Variants in BACH2 observed in about 807,000 individuals in gnomAD.
BACH2 encodes transcription regulator protein BACH2.
A neutral mutation model predicts 61.8 loss-of-function variants in BACH2; 5 were observed. That is an observed-to-expected ratio of 0.08 (90% CI 0.04 to 0.17). The LOEUF is 0.17. Ranked by LOEUF, BACH2 falls within the 10% of genes least tolerant of loss-of-function variation. The pLI is 1.00. For synonymous variants in BACH2, 446 were observed against 440.1 expected (o/e 1.01, Z -0.17); for missense variants, 824 against 1,091.1 (o/e 0.76, Z 3.45).
At chr6:90,077,604 C>T (rs1781528818) in intron 5 of BACH2, among the ~76,000 whole-genome samples, 1 of 152,048 alleles carries the variant, frequency 6.6e-6, no homozygotes, top group Non-Finnish European at 1.5e-5. Context: ...GTATCTGGGA[C>T]AGGGATGGTA....
chr6:90,284,304 C>A (rs1334925180), intron 1 of BACH2, among the ~76,000 whole-genome samples: 2 of 152,198 alleles, frequency 1.3e-5, no homozygotes, highest in Non-Finnish European at 2.9e-5. Flanking sequence ...CTGGTGACAT[C>A]TGGGCAGCCC....
In BACH2 at chr6:90,121,543, A is replaced by G. The variant is rs760399961; in HGVS notation, c.-161-32434T>C. The stretch of plus-strand genomic sequence containing the variant: ...AAAAGCCTTTGCATTTTATTAATTA[A>G]TTAATTAATTTATTTTGAGACGAGT... On this transcript the variant is annotated intron_variant, in intron 4 of 8. Transcript: ENST00000257749. Among the ~76,000 whole-genome samples, 52 of 152,182 alleles carry G rather than the reference A, an allele frequency of 3.4e-4. 1 individual carries two copies. In the South Asian group the frequency reaches 4.6e-3, roughly 13 times the overall value.
chr6:90,067,764 A>G (rs1415671377), intron 5 of BACH2, among the ~76,000 whole-genome samples: 1 of 152,162 alleles, frequency 6.6e-6, no homozygotes, highest in Non-Finnish European at 1.5e-5. Context: ...TGCACAAGAC[A>G]TGGTTGCTTC....
chr6:90,131,639 A>G (rs1255646654), intron 4 of BACH2, among the ~76,000 whole-genome samples: 2 of 152,158 alleles, frequency 1.3e-5, no homozygotes, highest in South Asian at 2.1e-4. Flanking sequence ...CCCTTCAAAT[A>G]CCACATTTAT....
intron 4 of BACH2, among the ~76,000 whole-genome samples, chr6:90,185,488 T>A (rs1041383579): frequency 1.4e-4 from 21 of 152,252 alleles, no homozygotes; most frequent in African/African-American, 5.1e-4. Context: ...TTTAAGATGA[T>A]ACATTAAAAA....
intron 4 of BACH2, among the ~76,000 whole-genome samples, chr6:90,195,688 C>T (rs1328477570): frequency 1.3e-5 from 2 of 152,126 alleles, no homozygotes; most frequent in East Asian, 3.9e-4. Flanking sequence ...GAGATAAATG[C>T]CCCACTGTTC....
chr6:90,281,164 C>T (rs1039574055), intron 1 of BACH2, among the ~76,000 whole-genome samples: 20 of 152,124 alleles, frequency 1.3e-4, no homozygotes, highest in African/African-American at 4.8e-4. Flanking sequence ...CTTAATGTGG[C>T]CTTAAGGAGG....
chr6:90,141,076 G>A (rs1000299138), intron 4 of BACH2, among the ~76,000 whole-genome samples: 3 of 152,146 alleles, frequency 2.0e-5, no homozygotes, highest in Non-Finnish European at 4.4e-5. Flanking sequence ...AAATGATAAG[G>A]ATGATAAGGT....
At chr6:89,971,283 A>G (rs984141801) in intron 6 of BACH2, among the ~76,000 whole-genome samples, 1 of 152,208 alleles carries the variant, frequency 6.6e-6, no homozygotes, top group Non-Finnish European at 1.5e-5. Context: ...AGAACAAGGT[A>G]ATGACACCAG....
intron 8 of BACH2, among the ~76,000 whole-genome samples, chr6:89,935,307 G>A (rs1215131550): frequency 2.0e-5 from 3 of 152,290 alleles, no homozygotes; most frequent in Non-Finnish European, 4.4e-5. Flanking sequence ...GTGCAACCTG[G>A]AGCTCTCCCC....
chr6:90,061,696 T>C (rs74324857), intron 5 of BACH2, among the ~76,000 whole-genome samples: 2 of 151,622 alleles, frequency 1.3e-5, no homozygotes, highest in East Asian at 3.9e-4. Flanking sequence ...GCAGTGGTGA[T>C]TGAGAAGGAA....
At chr6:90,022,740 A>T (rs1778443065) in intron 5 of BACH2, among the ~76,000 whole-genome samples, 1 of 152,240 alleles carries the variant, frequency 6.6e-6, no homozygotes, top group Non-Finnish European at 1.5e-5. Context: ...CTAACCTAGA[A>T]ACAATAAGAA....
chr6:90,254,162 G>A (rs1007115654), intron 2 of BACH2, among the ~76,000 whole-genome samples: 6 of 151,126 alleles, frequency 4.0e-5, no homozygotes, highest in Admixed American at 2.0e-4. Flanking sequence ...AAAAACATGA[G>A]AGAGAGAAAC....
intron 6 of BACH2, among the ~76,000 whole-genome samples, chr6:89,996,579 A>G (rs1004423520): frequency 3.9e-5 from 6 of 152,152 alleles, no homozygotes; most frequent in Non-Finnish European, 5.9e-5. Flanking sequence ...AAGTCCTGCA[A>G]GTGCCTCTTT....
intron 4 of BACH2, among the ~76,000 whole-genome samples, chr6:90,125,853 C>T (rs140506893): frequency 2.6e-4 from 40 of 152,330 alleles, no homozygotes; most frequent in Non-Finnish European, 5.3e-4. Flanking sequence ...CATAAGACAA[C>T]GCCAAATGGG....
At chr6:90,240,866 C>T (rs998638239) in intron 3 of BACH2, among the ~76,000 whole-genome samples, 2 of 152,076 alleles carry the variant, frequency 1.3e-5, no homozygotes, top group African/African-American at 4.8e-5. Context: ...CTGCTAACTT[C>T]CATTAAATAT....
chr6:89,992,805 A>T lies in BACH2; in HGVS notation c.243+15797T>A, dbSNP rs76518489. Reference sequence around the variant, plus strand: ...GCACATGTTGTTTTGTATCTGCACGAATCTACTATTTTTTCATAGGTTGCT... The same window carrying T: ...GCACATGTTGTTTTGTATCTGCACGTATCTACTATTTTTTCATAGGTTGCT... On this transcript the variant is annotated intron_variant, in intron 6 of 8. Coordinates refer to ENST00000257749, the MANE Select transcript of BACH2 (RefSeq NM_021813.4). 3.0e-3 allele frequency among the ~76,000 whole-genome samples: 457 copies of T among 152,338 alleles called. 16 individuals are homozygous for T. The East Asian group carries it at 0.08, about 27-fold the overall frequency.
intron 5 of BACH2, among the ~76,000 whole-genome samples, chr6:90,062,279 C>T (rs1780725593): frequency 6.6e-6 from 1 of 152,172 alleles, no homozygotes; most frequent in Non-Finnish European, 1.5e-5. Flanking sequence ...CTCATGAGGT[C>T]TACTCCACCC....
intron 5 of BACH2, among the ~76,000 whole-genome samples, chr6:90,028,459 T>C (rs1778754910): frequency 6.6e-6 from 1 of 152,262 alleles, no homozygotes; most frequent in South Asian, 2.1e-4. Flanking sequence ...CTGCTACCTT[T>C]TGCATGTATG....
Sources: allele counts gnomAD v4.1 joint callset (sites outside exome capture counted in the v4.1 genomes callset), GRCh38; gene constraint gnomAD v4.1.1; transcripts MANE v1.5; gene names NCBI Gene and HGNC (gene_info 2026-07-23, HGNC 2026-07-21).